The following PCSK5 variants were observed in gnomAD, a reference collection of about 807,000 sequenced individuals.
PCSK5 encodes prohormone convertase 5.
A neutral mutation model predicts 233.2 loss-of-function variants in PCSK5; 129 were observed. The observed-to-expected ratio is 0.55, with a 90% CI of 0.48 to 0.64. The LOEUF is 0.64. Ranked by LOEUF, PCSK5 falls within the 30% of genes least tolerant of loss-of-function variation. The pLI, the probability that PCSK5 is intolerant of heterozygous loss-of-function variation, is 0.00. For synonymous variants in PCSK5, 825 were observed against 879.2 expected (o/e 0.94, Z 1.09); for missense variants, 2,076 against 2,430.1 (o/e 0.85, Z 3.06).
At chr9:76,040,937 C>CAG (rs1185063614) in intron 5 of PCSK5, among the ~76,000 whole-genome samples, 1 of 152,152 alleles carries the variant, frequency 6.6e-6, no homozygotes, top group African/African-American at 2.4e-5. Context: ...TGATCCATCA[C>CAG]TTAACTAACA....
intron 20 of PCSK5, among the ~76,000 whole-genome samples, chr9:76,202,102 C>T (rs1554705841): frequency 2.0e-5 from 3 of 152,084 alleles, no homozygotes; most frequent in South Asian, 2.1e-4. Context: ...TTTAATTGTT[C>T]TATGTTATCA....
chr9:76,292,196 C>T (rs971310397), intron 24 of PCSK5, 37 bp from the exon 25 acceptor site: 2 of 1,274,022 alleles, frequency 1.6e-6, no homozygotes. Flanking sequence ...TGACGAATTC[C>T]TCATGATTAT....
chr9:76,092,141 G>A (rs977985114), intron 7 of PCSK5, among the ~76,000 whole-genome samples: 3 of 152,022 alleles, frequency 2.0e-5, no homozygotes, highest in Non-Finnish European at 4.4e-5. Flanking sequence ...TGGAAACTAC[G>A]TCCTACCTCT....
intron 25 of PCSK5, among the ~76,000 whole-genome samples, chr9:76,293,661 G>C (rs1385384803): frequency 6.6e-6 from 1 of 152,144 alleles, no homozygotes; most frequent in Admixed American, 6.5e-5. Flanking sequence ...TGTTGGCCAG[G>C]CTCTGTTAAA....
At chr9:76,029,576 C>CT (rs1828571189) in intron 5 of PCSK5, among the ~76,000 whole-genome samples, 2 of 152,110 alleles carry the variant, frequency 1.3e-5, no homozygotes, top group South Asian at 4.1e-4. Flanking sequence ...TTTACGTAGG[C>CT]TTTTTAAATT....
intron 14 of PCSK5, among the ~76,000 whole-genome samples, chr9:76,179,224 C>G (rs1462456952): frequency 6.6e-6 from 1 of 152,154 alleles, no homozygotes; most frequent in Non-Finnish European, 1.5e-5. Flanking sequence ...CAACTTCTCT[C>G]TTTTCTACAA....
intron 10 of PCSK5, among the ~76,000 whole-genome samples, chr9:76,145,274 C>T (rs1823398614): frequency 6.6e-6 from 1 of 152,042 alleles, no homozygotes; most frequent in Admixed American, 6.6e-5. Context: ...CTTTTTTTTA[C>T]ATTCAACAAA....
chr9:76,295,482 A>G, intron 26 of PCSK5, 71 bp downstream of exon 26: 1 of 1,394,076 alleles, frequency 7.2e-7, no homozygotes, highest in South Asian at 1.2e-5. Context: ...GGGCCACAGG[A>G]GCGCACATGT....
intron 8 of PCSK5, 91 bp from the exon 9 acceptor site, chr9:76,107,160 C>G: frequency 1.5e-6 from 1 of 675,090 alleles, no homozygotes; most frequent in East Asian, 2.8e-5. Context: ...TTAACATATA[C>G]CCCCATTCTA....
intron 22 of PCSK5, 64 bp from the exon 23 acceptor site, chr9:76,238,895 T>TATA: frequency 3.4e-6 from 4 of 1,190,434 alleles, no homozygotes; most frequent in Non-Finnish European, 4.9e-6. Flanking sequence ...TATCTTACAT[T>TATA]ATAATAGCTT....
intron 9 of PCSK5, among the ~76,000 whole-genome samples, chr9:76,121,956 A>T (rs370855918): frequency 0.031 from 3,150 of 101,888 alleles, 769 homozygotes; most frequent in African/African-American, 0.086. Context: ...CCCAAGTAGC[A>T]GGGACTACAG....
At chr9:76,095,506 A>T (rs1831472353) in intron 7 of PCSK5, among the ~76,000 whole-genome samples, 1 of 152,150 alleles carries the variant, frequency 6.6e-6, no homozygotes, top group African/African-American at 2.4e-5. Context: ...ATATTACTTA[A>T]CTTCCTTTTA....
In PCSK5 at chr9:76,235,892, T is replaced by C. The variant is rs78106180; in HGVS notation, c.2866+2296T>C. 6.6e-4 allele frequency among the ~76,000 whole-genome samples: 100 copies of C among 152,310 alleles called. No homozygotes were observed. The East Asian group carries it at 0.017, about 26-fold the overall frequency. The stretch of plus-strand genomic sequence containing the variant: ...GTGCTGAAGAAGATGGATGACTTAA[T>C]TGAAGAAGTTCCATATCCATAAATG... On this transcript the variant is annotated intron_variant, in intron 22 of 37. Coordinates refer to ENST00000674117, the MANE Select transcript of PCSK5 (RefSeq NM_001372043.1).
At chr9:75,925,103 T>C (rs781750401) in intron 1 of PCSK5, among the ~76,000 whole-genome samples, 1 of 152,230 alleles carries the variant, frequency 6.6e-6, no homozygotes, top group Non-Finnish European at 1.5e-5. Context: ...GTTATAAGTA[T>C]GATTTTTGTT....
Position 76,328,154 on chromosome 9 carries a change from C to A in PCSK5, c.4485C>A (p.Cys1495Ter). ...SEYWDEDAPG[C>*]KPCHVKCFHC... ...ACTGGGATGAGGATGCTCCCGGGTG[C>A]AAGCCCTGCCATGTTAAGTGCTTCC... Residue 1495 changes from cysteine to a stop codon, truncating the protein, a stop_gained, in exon 33 of 38, where the codon TGC (cysteine) becomes TGA (stop). Coordinates refer to ENST00000674117, the MANE Select transcript of PCSK5 (RefSeq NM_001372043.1). LOFTEE classifies it high-confidence loss of function. The A allele has an allele frequency of 6.2e-7, 1 of 1,612,842 alleles. No homozygotes were observed. Among genetic ancestry groups the A allele is most frequent in the Non-Finnish European group, 8.5e-7 (1 of 1,179,846 alleles).
At chr9:76,242,676 CT>C (rs1826467139) in intron 24 of PCSK5, among the ~76,000 whole-genome samples, 1 of 152,232 alleles carries the variant, frequency 6.6e-6, no homozygotes. Context: ...CTTGATTTCA[CT>C]GTTTGCCCAT....
intron 8 of PCSK5, among the ~76,000 whole-genome samples, chr9:76,103,500 A>G (rs553089156): frequency 6.6e-6 from 1 of 152,292 alleles, no homozygotes; most frequent in Admixed American, 6.5e-5. Flanking sequence ...AATTACATCA[A>G]CAGGCTAAAA....
At chr9:75,924,340 G>C (rs1247854095) in intron 1 of PCSK5, among the ~76,000 whole-genome samples, 1 of 152,082 alleles carries the variant, frequency 6.6e-6, no homozygotes, top group African/African-American at 2.4e-5. Flanking sequence ...CTGAATGATT[G>C]ACTTGAAACT....
At chr9:76,236,058 T>C (rs1273962535) in intron 22 of PCSK5, among the ~76,000 whole-genome samples, 1 of 152,230 alleles carries the variant, frequency 6.6e-6, no homozygotes, top group Non-Finnish European at 1.5e-5. Flanking sequence ...CTCTTGGAAG[T>C]GTACATCTCC....
Sources: allele counts gnomAD v4.1 joint callset (sites outside exome capture counted in the v4.1 genomes callset), GRCh38; gene constraint gnomAD v4.1.1; transcripts MANE v1.5; gene names NCBI Gene and HGNC (gene_info 2026-07-23, HGNC 2026-07-21).